Variants in AKR1C8 observed in about 807,000 individuals in gnomAD.
AKR1C8 encodes aldo-keto reductase family 1 member C8, also known as aldo-keto reductase family 1 member C-like protein 1.
the AKR1C8 span, among the ~76,000 whole-genome samples, chr10:5,124,934 T>C: frequency 6.6e-6 from 1 of 152,024 alleles, no homozygotes; most frequent in Non-Finnish European, 1.5e-5. Flanking sequence ...TTAACCTCGA[T>C]GACATAAAGC....
At chr10:5,154,294 C>T in the AKR1C8 span, 6 of 425,110 alleles carry the variant, frequency 1.4e-5, no homozygotes, top group Admixed American at 1.5e-4. Flanking sequence ...CACGTCCCTA[C>T]TTGTACCTCG....
At chr10:5,140,108 C>T in the AKR1C8 span, among the ~76,000 whole-genome samples, 1 of 152,124 alleles carries the variant, frequency 6.6e-6, no homozygotes, top group Admixed American at 6.6e-5. Context: ...TACCATCTCA[C>T]ACCAGTTAGA....
chr10:5,142,611 C>A, the AKR1C8 span, among the ~76,000 whole-genome samples: 6 of 151,966 alleles, frequency 3.9e-5, no homozygotes, highest in Non-Finnish European at 7.4e-5. Flanking sequence ...TATAGGAAGG[C>A]CTGAACAGAG....
At chr10:5,119,029 C>T in the AKR1C8 span, among the ~76,000 whole-genome samples, 1 of 152,054 alleles carries the variant, frequency 6.6e-6, no homozygotes, top group Non-Finnish European at 1.5e-5. Flanking sequence ...AATGGTCTCC[C>T]AATAGGCATT....
the AKR1C8 span, among the ~76,000 whole-genome samples, chr10:5,137,399 C>T: frequency 2.0e-5 from 3 of 152,080 alleles, no homozygotes; most frequent in Non-Finnish European, 2.9e-5. Context: ...AGCTTATCCA[C>T]CAAGATCAAG....
chr10:5,154,669 T>A, the AKR1C8 span: 1 of 152,656 alleles, frequency 6.6e-6, no homozygotes, highest in Non-Finnish European at 1.5e-5. Flanking sequence ...TCTCAGAATC[T>A]TGGTGTGGTT....
chr10:5,120,474 G>A, the AKR1C8 span, among the ~76,000 whole-genome samples: 3 of 152,046 alleles, frequency 2.0e-5, no homozygotes, highest in South Asian at 6.2e-4. Context: ...AGTATTATTT[G>A]TTTTCCTTTT....
At chr10:5,128,944 T>A in the AKR1C8 span, among the ~76,000 whole-genome samples, 1 of 151,962 alleles carries the variant, frequency 6.6e-6, no homozygotes. Flanking sequence ...TAAACAGATG[T>A]TTACAGAACA....
chr10:5,148,773 T>C, the AKR1C8 span, among the ~76,000 whole-genome samples: 1 of 152,280 alleles, frequency 6.6e-6, no homozygotes, highest in African/African-American at 2.4e-5. Flanking sequence ...GATGACTCCA[T>C]TACCAAGCTT....
At chr10:5,152,044 G>T in the AKR1C8 span, among the ~76,000 whole-genome samples, 1 of 152,062 alleles carries the variant, frequency 6.6e-6, no homozygotes, top group African/African-American at 2.4e-5. Context: ...CATTATTATT[G>T]TCATCTATAA....
the AKR1C8 span, chr10:5,132,548 T>G: frequency 7.3e-7 from 1 of 1,372,744 alleles, no homozygotes; most frequent in Non-Finnish European, 9.6e-7. Context: ...AATTGTCATC[T>G]CCACACTATC....
At chr10:5,137,737 G>A in the AKR1C8 span, among the ~76,000 whole-genome samples, 13 of 152,108 alleles carry the variant, frequency 8.5e-5, no homozygotes, top group Non-Finnish European at 1.6e-4. Flanking sequence ...TCAGCCAGCT[G>A]AGAAATAAAG....
chr10:5,148,241 T>C, the AKR1C8 span, among the ~76,000 whole-genome samples: 13 of 151,246 alleles, frequency 8.6e-5, no homozygotes, highest in Non-Finnish European at 1.9e-4. Context: ...ACATAGGAGA[T>C]AGAGAGGAGG....
At chr10:5,124,104 GC>G in the AKR1C8 span, among the ~76,000 whole-genome samples, 5 of 152,140 alleles carry the variant, frequency 3.3e-5, no homozygotes, top group Non-Finnish European at 2.9e-5. Context: ...GCCAATTCCA[GC>G]TCTGGGATAG....
At chr10:5,119,379 A>T in the AKR1C8 span, among the ~76,000 whole-genome samples, 1 of 152,210 alleles carries the variant, frequency 6.6e-6, no homozygotes, top group Non-Finnish European at 1.5e-5. Context: ...CTTCTGTTAT[A>T]TATAAAAGTA....
the AKR1C8 span, among the ~76,000 whole-genome samples, chr10:5,134,026 A>T: frequency 6.6e-6 from 1 of 152,178 alleles, no homozygotes; most frequent in East Asian, 1.9e-4. Flanking sequence ...CCAAATTTGG[A>T]TGAAGATTTG....
chr10:5,123,758 A>G, the AKR1C8 span: 1 of 1,613,542 alleles, frequency 6.2e-7, no homozygotes, highest in Non-Finnish European at 8.5e-7. Context: ...CAACCAGAAC[A>G]ATGTCTTTTG....
the AKR1C8 span, among the ~76,000 whole-genome samples, chr10:5,142,317 G>A: frequency 6.6e-6 from 1 of 152,074 alleles, no homozygotes; most frequent in African/African-American, 2.4e-5. Flanking sequence ...CTTCTTATCA[G>A]TAGTAAAGCT....
the AKR1C8 span, among the ~76,000 whole-genome samples, chr10:5,174,095 T>C: frequency 1.3e-5 from 2 of 152,180 alleles, no homozygotes; most frequent in South Asian, 4.1e-4. Context: ...AAATCTATTT[T>C]TGTCTTCCAA....
Sources: allele counts gnomAD v4.1 joint callset (sites outside exome capture counted in the v4.1 genomes callset), GRCh38; gene constraint gnomAD v4.1.1; transcripts MANE v1.5; gene names NCBI Gene and HGNC (gene_info 2026-07-23, HGNC 2026-07-21).